PHF24: variants seen among roughly 807,000 people sequenced by gnomAD.
The protein encoded by PHF24 is PHD finger protein 24.
A neutral mutation model predicts 42.6 loss-of-function variants in PHF24; 25 were observed. That is an observed-to-expected ratio of 0.59 (90% confidence interval 0.43 to 0.82). PHF24 has a LOEUF of 0.82. Among genes scored for constraint, PHF24 ranks in the 40% least tolerant of loss-of-function variants. PHF24 has a pLI of 0.00. For synonymous variants in PHF24, 185 were observed against 204.8 expected (o/e 0.90, Z 0.83); for missense variants, 470 against 538.1 (o/e 0.87, Z 1.25).
the PHF24 span, among the ~76,000 whole-genome samples, chr9:34,845,870 A>G: frequency 6.6e-6 from 1 of 150,928 alleles, no homozygotes; most frequent in Non-Finnish European, 1.5e-5. Context: ...TGTTCTTGCG[A>G]TAGTTTACTG....
At chr9:34,715,681 A>G in the PHF24 span, among the ~76,000 whole-genome samples, 5 of 152,174 alleles carry the variant, frequency 3.3e-5, no homozygotes, top group African/African-American at 1.2e-4. Context: ...GGTGAAGGAT[A>G]AAGGAGGTAC....
chr9:34,690,430 G>GTA, the PHF24 span: 13 of 521,850 alleles, frequency 2.5e-5, no homozygotes, highest in South Asian at 3.3e-4. Flanking sequence ...ACACCTGTGT[G>GTA]TGTGTGTGTG....
chr9:34,709,546 C>G, the PHF24 span: 1 of 1,614,126 alleles, frequency 6.2e-7, no homozygotes, highest in Non-Finnish European at 8.5e-7. Context: ...GTCTTGGAGG[C>G]CCCCCTGTCC....
the PHF24 span, among the ~76,000 whole-genome samples, chr9:34,945,249 G>A: frequency 2.6e-5 from 4 of 152,156 alleles, no homozygotes; most frequent in African/African-American, 7.2e-5. Context: ...AACTATACCC[G>A]GAACTCCATC....
exon 2 of PHF24, chr9:34,971,600 C>T (rs759026914): frequency 1.4e-5 from 22 of 1,614,018 alleles, no homozygotes; most frequent in African/African-American, 5.3e-5. Flanking sequence ...CGATTCACAC[C>T]CCCTGCGTTC....
chr9:34,696,385 G>C, the PHF24 span, among the ~76,000 whole-genome samples: 15 of 151,972 alleles, frequency 9.9e-5, no homozygotes, highest in South Asian at 1.0e-3. Context: ...CTACTCAGGG[G>C]GCTGAGGCAG....
the PHF24 span, among the ~76,000 whole-genome samples, chr9:34,810,032 C>T: frequency 4.0e-5 from 6 of 151,496 alleles, no homozygotes; most frequent in East Asian, 7.8e-4. Flanking sequence ...CGCCGCCGCC[C>T]ACGCCTCAAC....
chr9:34,891,504 C>G, the PHF24 span, among the ~76,000 whole-genome samples: 1 of 152,206 alleles, frequency 6.6e-6, no homozygotes, highest in Non-Finnish European at 1.5e-5. Context: ...GTGCTGCATG[C>G]TGGGAAGACC....
chr9:34,729,415 T>C, the PHF24 span: 7 of 1,550,178 alleles, frequency 4.5e-6, no homozygotes, highest in Admixed American at 7.9e-5. Flanking sequence ...AGAACAAAAG[T>C]AGGGCTCAAC....
chr9:34,730,264 G>A, the PHF24 span, among the ~76,000 whole-genome samples: 1 of 152,106 alleles, frequency 6.6e-6, no homozygotes, highest in Non-Finnish European at 1.5e-5. Flanking sequence ...TTTAGGCAGG[G>A]CATGTGTTTT....
At chr9:34,936,748 C>G in the PHF24 span, among the ~76,000 whole-genome samples, 2 of 151,646 alleles carry the variant, frequency 1.3e-5, no homozygotes. Context: ...AGGAGCACCT[C>G]TGCCCGGCCG....
chr9:34,925,686 T>C, the PHF24 span, among the ~76,000 whole-genome samples: 1 of 152,190 alleles, frequency 6.6e-6, no homozygotes, highest in Admixed American at 6.5e-5. Flanking sequence ...ATCAATTGTT[T>C]TCCTGATTTC....
At chr9:34,925,323 C>T in the PHF24 span, among the ~76,000 whole-genome samples, 1 of 152,120 alleles carries the variant, frequency 6.6e-6, no homozygotes, top group African/African-American at 2.4e-5. Context: ...TATAATGTTC[C>T]TCAGAGAGAA....
chr9:34,875,440 A>AT, the PHF24 span, among the ~76,000 whole-genome samples: 23 of 152,206 alleles, frequency 1.5e-4, no homozygotes, highest in Admixed American at 5.2e-4. Context: ...ACCTTTAGAG[A>AT]TTTTTTTTAT....
the PHF24 span, among the ~76,000 whole-genome samples, chr9:34,831,553 A>T: frequency 6.6e-6 from 1 of 152,056 alleles, no homozygotes; most frequent in Admixed American, 6.5e-5. Context: ...AAGCTCAGTG[A>T]TCCCTCCCAA....
At chr9:34,770,569 A>G in the PHF24 span, among the ~76,000 whole-genome samples, 1 of 152,236 alleles carries the variant, frequency 6.6e-6, no homozygotes, top group Non-Finnish European at 1.5e-5. Context: ...CAGAGGACCC[A>G]AATTAACACA....
exon 8 of PHF24, chr9:34,978,316 G>A (rs2132940783): frequency 1.7e-6 from 1 of 577,852 alleles, no homozygotes; most frequent in African/African-American, 1.9e-5. Flanking sequence ...AGAAGCCCTG[G>A]GAGCTGTGGC....
chr9:34,745,271 C>A, the PHF24 span, among the ~76,000 whole-genome samples: 1 of 152,144 alleles, frequency 6.6e-6, no homozygotes, highest in Non-Finnish European at 1.5e-5. Context: ...CTTCTTGGAT[C>A]CACAGCTATA....
At chr9:34,774,949 A>C in the PHF24 span, among the ~76,000 whole-genome samples, 2 of 152,220 alleles carry the variant, frequency 1.3e-5, no homozygotes, top group African/African-American at 2.4e-5. Context: ...ACCCTGGTGC[A>C]TTGCATCTGG....
Sources: gnomAD v4.1 joint callset for allele counts (sites outside exome capture counted in the v4.1 genomes callset) on GRCh38, gnomAD v4.1.1 for gene constraint, MANE v1.5 for transcripts, NCBI Gene and HGNC (gene_info 2026-07-23, HGNC 2026-07-21) for gene names.